NOP2: variants seen among roughly 807,000 people sequenced by gnomAD.
The protein encoded by NOP2 is NOP2 nucleolar protein.
Under a neutral mutation model 72.7 loss-of-function variants are expected in NOP2, and 7 were observed. That is an observed-to-expected ratio of 0.10 (90% CI 0.05 to 0.18). The LOEUF is 0.18. Among genes scored for constraint, NOP2 ranks in the 10% least tolerant of loss-of-function variants. The pLI, the probability that NOP2 is intolerant of heterozygous loss-of-function variation, is 1.00. For missense variants in NOP2, 954 were observed against 1,014.7 expected (o/e 0.94, Z 0.81); for synonymous variants, 387 against 388.0 (o/e 1.00, Z 0.03).
rs1486359184 is a variant in NOP2, at chr12:6,561,695, A to G, written c.1176T>C (p.Cys392=). 6.2e-7 allele frequency: 1 copy of G among 1,613,784 alleles called. No individual in the cohort carries two copies. The highest frequency in any genetic ancestry group is 1.7e-5 in the Admixed American group (1 of 59,994). Residue 392 remains cysteine (C), a synonymous_variant, in exon 11 of 16, where the codon TGT becomes TGC. Transcript: ENST00000322166. ...AGCTGGTCTTTCCTCCAGGGGCACA[A>G]CACATGTCCAGGATCCGCTCATGTT... ...PQEHERILDM[C]CAPGGKTSYM...
chr12:6,560,549 G>C lies in NOP2; in HGVS notation c.1458C>G (p.Arg486=), dbSNP rs1288653433. The part of the protein sequence containing the change: ...KTNKDEKDIL[R]CAHLQKELLL... ...GCAACTCCTTCTGGAGGTGAGCACAGCGCAGGATGTCCTTCTCATCCTGTC... is the reference window on the plus strand; with the variant it reads ...GCAACTCCTTCTGGAGGTGAGCACACCGCAGGATGTCCTTCTCATCCTGTC... Residue 486 remains arginine (R), a synonymous_variant, in exon 14 of 16, where the codon CGC becomes CGG. Coordinates refer to ENST00000322166, the MANE Select transcript of NOP2 (RefSeq NM_001258308.2). This position sits in a 1 kb window ranked among gnomAD's most constrained non-coding sequence, Gnocchi z 5.0. The C allele has an allele frequency of 1.2e-6, 2 of 1,601,028 alleles. No individual in the cohort carries two copies. Among genetic ancestry groups the C allele is most frequent in the African/African-American group, 1.3e-5 (1 of 74,378 alleles).
chr12:6,567,153 T>C (rs1322655288), intron 2 of NOP2, among the ~76,000 whole-genome samples: 2 of 152,176 alleles, frequency 1.3e-5, no homozygotes, highest in Admixed American at 6.6e-5. Flanking sequence ...TTTCACCATG[T>C]TGGCCAGGCT....
rs762765917 is a variant in NOP2 at position 6,566,771 on chromosome 12, A to T, written c.149+6T>A. ...AACCTACTTAAGTTTTGACACCCAC[A>T]CTTACCTCTTTCGAGCACGACTAGA... On this transcript the variant is annotated splice_donor_region_variant and intron_variant, in intron 3 of 15. Transcript: ENST00000322166. The T allele has an allele frequency of 1.9e-6, 3 of 1,613,272 alleles. No individual in the cohort carries two copies. The highest frequency in any genetic ancestry group is 2.2e-5 in the South Asian group (2 of 90,944).
rs200565177 is a variant in NOP2, at chr12:6,561,025, T to C, written c.1253A>G (p.Asn418Ser). ...NTGVILANDA[N>S]AERLKSVVGN... ...CACAACACTCTTGAGCCGCTCAGCA[T>C]TGGCGTCATTGGCAAGGATCACACC... Residue 418 changes from asparagine (N) to serine (S), a missense_variant, in exon 12 of 16, where the codon AAT (asparagine) becomes AGT (serine). Asn to Ser is a conservative substitution (Grantham distance 46). This residue lies in a region of NOP2 where 187 missense variants were observed against 276.2 expected (regional missense o/e 0.68). Transcript: ENST00000322166. The C allele has an allele frequency of 8.8e-4, 1,423 of 1,613,992 alleles. No individual in the cohort carries two copies. The highest frequency in any genetic ancestry group is 1.1e-3 in the Non-Finnish European group (1,308 of 1,179,886).
chr12:6,566,757 G>C lies in NOP2; in HGVS notation c.149+20C>G. 6.2e-7 allele frequency: 1 copy of C among 1,612,452 alleles called. No homozygotes were observed. Among genetic ancestry groups the C allele is most frequent in the African/African-American group, 1.3e-5 (1 of 75,000 alleles). ...AGCAGTACCAATTTAACCTACTTAA[G>C]TTTTGACACCCACACTTACCTCTTT... On this transcript the variant is annotated intron_variant, in intron 3 of 15. Transcript: ENST00000322166.
At chr12:6,562,422 T>A (rs1947675796) in intron 9 of NOP2, among the ~76,000 whole-genome samples, 2 of 152,192 alleles carry the variant, frequency 1.3e-5, no homozygotes, top group South Asian at 4.1e-4. Context: ...ACAGTCATCA[T>A]GGAGTCATTG....
intron 7 of NOP2, 25 bp downstream of exon 7, chr12:6,563,589 T>C: frequency 1.2e-6 from 2 of 1,608,408 alleles, no homozygotes; most frequent in Non-Finnish European, 1.7e-6. Flanking sequence ...TCCTCCTAAC[T>C]CTTCACTCTG....
At chr12:6,565,567 G>A (rs576370953) in intron 5 of NOP2, among the ~76,000 whole-genome samples, 10 of 152,010 alleles carry the variant, frequency 6.6e-5, no homozygotes, top group East Asian at 1.9e-4. Flanking sequence ...CTCGAACTCC[G>A]GAGCTCAGGT....
Position 6,563,681 on chromosome 12 carries a change from A to G in NOP2, c.621T>C (p.Asp207=). 6.2e-7 allele frequency: 1 copy of G among 1,613,726 alleles called. No individual in the cohort carries two copies. Among genetic ancestry groups the G allele is most frequent in the Non-Finnish European group, 8.5e-7 (1 of 1,179,772 alleles). The change falls in exon 7 of 16, where the codon GAT becomes GAC. Residue 207 remains aspartate, a synonymous_variant. Transcript: ENST00000322166. ...ESGPPKVEEA[D]GGLQINVDEE... Reference sequence around the variant, plus strand: ...CATCCACATTGATCTGCAGGCCCCCATCTGCCTCTTCCACCTTTGGGGGGC... The same window carrying G: ...CATCCACATTGATCTGCAGGCCCCCGTCTGCCTCTTCCACCTTTGGGGGGC...
At position 6,562,988 on chromosome 12, in the gene NOP2, C is replaced by T. The variant is rs572939349; in HGVS notation, c.978+93G>A. ...CCAGGATCATGCTTAGGTCCTAAGG[C>T]CCCACCCAGTCAGGGTAGCACAGAG... On this transcript the variant is annotated intron_variant, in intron 9 of 15. Transcript: ENST00000322166. 1.0e-4 allele frequency: 131 copies of T among 1,255,076 alleles called. 1 individual carries two copies. In the South Asian group the frequency reaches 1.5e-3, roughly 15 times the overall value. 77.7% of individuals were successfully genotyped at this position (1,255,076 alleles called of 1,614,324 possible).
At chr12:6,566,659 G>T in intron 3 of NOP2, 42 bp from the exon 4 acceptor site, 1 of 1,602,850 alleles carries the variant, frequency 6.2e-7, no homozygotes, top group Non-Finnish European at 8.5e-7. Context: ...GAAATGGGAA[G>T]ATACTTCCAG....
Position 6,557,475 on chromosome 12 carries a change from T to A in NOP2, c.1957A>T (p.Ile653Phe). The A allele has an allele frequency of 6.2e-7, 1 of 1,614,042 alleles. No individual in the cohort carries two copies. Among genetic ancestry groups the A allele is most frequent in the African/African-American group, 1.3e-5 (1 of 75,044 alleles). ...AATTCTGAGTCTGCCCCTTTGGAGATGCCATTCAGCTTCTGGAAGGAGGCC... is the reference window on the plus strand; with the variant it reads ...AATTCTGAGTCTGCCCCTTTGGAGAAGCCATTCAGCTTCTGGAAGGAGGCC... ...KKASFQKLNG[I>F]SKGADSELST... Residue 653 changes from isoleucine to phenylalanine, a missense_variant, in exon 16 of 16, where the codon ATC becomes TTC. Physicochemically the swap from Ile to Phe is conservative, Grantham distance 21 (BLOSUM62 0). Coordinates refer to ENST00000322166, the MANE Select transcript of NOP2 (RefSeq NM_001258308.2).
intron 1 of NOP2, 78 bp from the exon 2 acceptor site, chr12:6,568,000 AGTGGGAAAGG>A: frequency 8.8e-7 from 1 of 1,141,592 alleles, no homozygotes; most frequent in Non-Finnish European, 1.3e-6. Flanking sequence ...GGCGTATTAT[AGTGGGAAAGG>A]GCACAGCCTC....
In NOP2 at chr12:6,563,573, C is replaced by G. The variant is rs368229597; in HGVS notation, c.688+41G>C. On this transcript the variant is annotated intron_variant, in intron 7 of 15. Coordinates refer to ENST00000322166, the MANE Select transcript of NOP2 (RefSeq NM_001258308.2). Reference sequence around the variant, plus strand: ...TAAGGCCTGGAAATCCCTCTCCCAACCACCTTCCTCCTAACTCTTCACTCT... The same window carrying G: ...TAAGGCCTGGAAATCCCTCTCCCAAGCACCTTCCTCCTAACTCTTCACTCT... The G allele has an allele frequency of 2.5e-6, 4 of 1,607,996 alleles. No homozygotes were observed. The African/African-American group carries it at 5.3e-5, about 21-fold the overall frequency.
chr12:6,563,151 G>A lies in NOP2; in HGVS notation c.908C>T (p.Ala303Val), dbSNP rs1261341507. 2 of 1,595,002 alleles carry A rather than the reference G, an allele frequency of 1.3e-6. No individual in the cohort carries two copies. Among genetic ancestry groups the A allele is most frequent in the East Asian group, 4.5e-5 (2 of 44,028 alleles). ...GGTGACGGGCCGAGGCACCTCATTAGCTTCTAAGAACTCCACCAGCTGCGG... is the reference window on the plus strand; with the variant it reads ...GGTGACGGGCCGAGGCACCTCATTAACTTCTAAGAACTCCACCAGCTGCGG... ...PLSELVEFLE[A>V]NEVPRPVTLR... The change falls in exon 9 of 16, where the codon GCT becomes GTT. Residue 303 changes from alanine (A) to valine (V), a missense_variant. Coordinates refer to ENST00000322166, the MANE Select transcript of NOP2 (RefSeq NM_001258308.2).
At chr12:6,559,046 C>T (rs1016263406) in intron 15 of NOP2, among the ~76,000 whole-genome samples, 17 of 152,136 alleles carry the variant, frequency 1.1e-4, no homozygotes. Flanking sequence ...CAACCTCCAC[C>T]TCCCAGGTTC....
At position 6,563,936 on chromosome 12, in the gene NOP2, A is replaced by G. The variant is rs574996041; in HGVS notation, c.485T>C (p.Ile162Thr). The G allele has an allele frequency of 5.6e-6, 9 of 1,613,446 alleles. No individual in the cohort carries two copies. The highest frequency in any genetic ancestry group is 2.7e-5 in the African/African-American group (2 of 75,026). ...DEEEGEALLPIERAARKQKAR... is the reference protein window; with the variant it reads ...DEEEGEALLPTERAARKQKAR... ...CTTCTGCTTCCGAGCAGCTCTTTCAATGGGCAGCAACTGAAGAGAGACAAG... is the reference window on the plus strand; with the variant it reads ...CTTCTGCTTCCGAGCAGCTCTTTCAGTGGGCAGCAACTGAAGAGAGACAAG... Residue 162 changes from isoleucine (I) to threonine (T), a missense_variant, in exon 6 of 16, where the codon ATT becomes ACT. Ile to Thr is a moderately conservative substitution (Grantham distance 89). Coordinates refer to ENST00000322166, the MANE Select transcript of NOP2 (RefSeq NM_001258308.2).
chr12:6,557,834 C>A (rs1347064783), intron 15 of NOP2, among the ~76,000 whole-genome samples, 192 bp from the exon 16 acceptor site: 2 of 152,142 alleles, frequency 1.3e-5, no homozygotes, highest in Non-Finnish European at 2.9e-5. Context: ...CCTAGTTGAA[C>A]CTTGTATTAA....
chr12:6,561,203 A>G (rs1336533901), intron 11 of NOP2, 133 bp from the exon 12 acceptor site: 2 of 1,079,382 alleles, frequency 1.9e-6, no homozygotes, highest in Non-Finnish European at 2.7e-6. Flanking sequence ...AAGCCTGCCT[A>G]CTGTATAGGC....
Sources: allele counts gnomAD v4.1 joint callset (sites outside exome capture counted in the v4.1 genomes callset), GRCh38; gene constraint gnomAD v4.1.1; regional missense constraint gnomAD v4.1.1; non-coding constraint Gnocchi (gnomAD v3.1); transcripts MANE v1.5; gene names NCBI Gene and HGNC (gene_info 2026-07-23, HGNC 2026-07-21).